The following GALNT10 variants were observed in gnomAD, a reference collection of about 807,000 sequenced individuals.
GALNT10 encodes the protein GalNAc transferase 10.
GALNT10 carries 41 observed loss-of-function variants against 75.0 expected under a neutral mutation model. The observed-to-expected ratio is 0.55, with a 90% CI of 0.43 to 0.71. The LOEUF is 0.71. Among genes scored for constraint, GALNT10 ranks in the 30% least tolerant of loss-of-function variants. The probability of loss-of-function intolerance (pLI) is 0.00; values close to 1 mark genes in which losing one functional copy is unlikely to be tolerated. For synonymous variants in GALNT10, 302 were observed against 313.0 expected, an observed-to-expected ratio of 0.96 and a Z score of 0.37; for missense variants, 727 against 818.5, an observed-to-expected ratio of 0.89 and a Z score of 1.36.
chr5:154,209,109 C>G, intron 1 of GALNT10, among the ~76,000 whole-genome samples: 1 of 152,198 alleles, frequency 6.6e-6, no homozygotes, highest in East Asian at 1.9e-4. Context: ...CTGTTGGTCG[C>G]TGGATGCCGG....
At chr5:154,353,321 TC>T (rs1173719078) in intron 4 of GALNT10, among the ~76,000 whole-genome samples, 2 of 152,180 alleles carry the variant, frequency 1.3e-5, no homozygotes, top group East Asian at 3.9e-4. Flanking sequence ...CTAAATATCA[TC>T]CTACCATACT....
At chr5:154,297,637 G>A (rs954488012) in intron 2 of GALNT10, among the ~76,000 whole-genome samples, 5 of 152,168 alleles carry the variant, frequency 3.3e-5, no homozygotes, top group African/African-American at 9.7e-5. Context: ...GGGAGCATGG[G>A]TTTTGGAATC....
At chr5:154,221,788 T>G (rs1287310325) in intron 1 of GALNT10, among the ~76,000 whole-genome samples, 1 of 152,258 alleles carries the variant, frequency 6.6e-6, no homozygotes, top group South Asian at 2.1e-4. Flanking sequence ...ACTTGAGGCC[T>G]GTCTGCCTAG....
At chr5:154,304,522 G>A (rs1754403458) in intron 3 of GALNT10, among the ~76,000 whole-genome samples, 1 of 151,914 alleles carries the variant, frequency 6.6e-6, no homozygotes, top group Non-Finnish European at 1.5e-5. Flanking sequence ...AATAAGGTAT[G>A]GAAAGAGAAA....
intron 1 of GALNT10, among the ~76,000 whole-genome samples, chr5:154,236,922 C>T (rs1460488376): frequency 2.6e-5 from 4 of 152,200 alleles, no homozygotes; most frequent in Admixed American, 6.5e-5. Flanking sequence ...TCTCAGGCCT[C>T]AGCCTGCCAG....
intron 1 of GALNT10, among the ~76,000 whole-genome samples, chr5:154,206,416 A>G (rs1291136924): frequency 6.6e-6 from 1 of 152,234 alleles, no homozygotes; most frequent in Admixed American, 6.5e-5. Flanking sequence ...TACAAAAAAC[A>G]GCCGCTGCCT....
At chr5:154,219,812 GCT>G (rs60804248) in intron 1 of GALNT10, 2,565 of 140,750 alleles carry the variant, frequency 0.018, 34 homozygotes, top group African/African-American at 0.044. Context: ...ACTCTCTCGC[GCT>G]CTCTCTCTCT....
chr5:154,264,261 T>G (rs374602089), intron 1 of GALNT10, among the ~76,000 whole-genome samples: 1 of 138,770 alleles, frequency 7.2e-6, no homozygotes, highest in Non-Finnish European at 1.5e-5. Context: ...TGCAGTGAGC[T>G]GAGATCATGC....
intron 1 of GALNT10, among the ~76,000 whole-genome samples, chr5:154,270,402 C>T (rs147198770): frequency 1.8e-3 from 279 of 151,606 alleles, no homozygotes; most frequent in African/African-American, 6.4e-3. Flanking sequence ...AGGGCAGGGC[C>T]AGGCTGGAGA....
chr5:154,393,373 C>T (rs1755949083), intron 7 of GALNT10, among the ~76,000 whole-genome samples: 1 of 152,308 alleles, frequency 6.6e-6, no homozygotes, highest in South Asian at 2.1e-4. Context: ...CGCGCCCAGC[C>T]CATCTCACTT....
At chr5:154,330,000 C>T (rs1047107551) in intron 4 of GALNT10, 11 of 293,878 alleles carry the variant, frequency 3.7e-5, no homozygotes, top group Admixed American at 3.0e-4. Context: ...TAAACAATAA[C>T]TCAAACAAGT....
rs996329108 is a variant in GALNT10 at position 154,416,810 on chromosome 5, G to A, written c.1654-4G>A. On this transcript the variant is annotated splice_region_variant and splice_polypyrimidine_tract_variant and intron_variant, in intron 11 of 11. Coordinates refer to ENST00000297107, the MANE Select transcript of GALNT10 (RefSeq NM_198321.4). This position sits in a 1 kb window ranked among gnomAD's most constrained non-coding sequence, Gnocchi z 4.5. ...GTCTGGCTTATTACCTCCATGTTTT[G>A]TAGGACAAGACCCTGTACCACCCTG... The A allele has an allele frequency of 1.6e-5, 25 of 1,611,130 alleles. No homozygotes were observed. The highest frequency in any genetic ancestry group is 2.7e-5 in the African/African-American group (2 of 74,846).
rs58253608 is a variant in GALNT10 at position 154,231,651 on chromosome 5, G to A, written c.159+40626G>A. 7.9e-3 allele frequency among the ~76,000 whole-genome samples: 1,208 copies of A among 152,248 alleles called. 10 individuals carry two copies. Among genetic ancestry groups the A allele is most frequent in the African/African-American group, 0.027 (1,141 of 41,528 alleles). On this transcript the variant is annotated intron_variant, in intron 1 of 11. Coordinates refer to ENST00000297107, the MANE Select transcript of GALNT10 (RefSeq NM_198321.4). ...TATCAAGTCATTTGGGGAATACTACGTTTGAATTAGAGTGAACCCCAGTCT... is the reference window on the plus strand; with the variant it reads ...TATCAAGTCATTTGGGGAATACTACATTTGAATTAGAGTGAACCCCAGTCT...
At chr5:154,275,498 T>C (rs1223804475) in intron 1 of GALNT10, among the ~76,000 whole-genome samples, 1 of 152,232 alleles carries the variant, frequency 6.6e-6, no homozygotes, top group Non-Finnish European at 1.5e-5. Flanking sequence ...CTATTGGTGC[T>C]TAACAAATTG....
chr5:154,310,447 T>G (rs4958373), intron 3 of GALNT10, among the ~76,000 whole-genome samples: 45 of 83,560 alleles, frequency 5.4e-4, no homozygotes, highest in Non-Finnish European at 8.6e-4. Flanking sequence ...TTTTGTTTTT[T>G]TTTTTGTTTG....
chr5:154,344,013 C>T (rs552019495), intron 4 of GALNT10, among the ~76,000 whole-genome samples: 2 of 152,226 alleles, frequency 1.3e-5, no homozygotes, highest in East Asian at 3.9e-4. Context: ...TGTGTTTGTC[C>T]TGCTGTGTCA....
intron 1 of GALNT10, among the ~76,000 whole-genome samples, chr5:154,231,855 G>A (rs966648192): frequency 1.3e-5 from 2 of 152,184 alleles, no homozygotes; most frequent in Admixed American, 6.5e-5. Flanking sequence ...ACTTGTCTTT[G>A]TTGGTAATCC....
chr5:154,271,937 G>A (rs572623461), intron 1 of GALNT10, among the ~76,000 whole-genome samples: 24 of 152,264 alleles, frequency 1.6e-4, no homozygotes, highest in African/African-American at 5.3e-4. Flanking sequence ...GGCCCTTCAC[G>A]TATGAGACAG....
At position 154,331,208 on chromosome 5, in the gene GALNT10, C is replaced by T. The variant is rs567490186; in HGVS notation, c.568+1470C>T. On this transcript the variant is annotated intron_variant, in intron 4 of 11. Transcript: ENST00000297107. ...TTAGGCATACAGTAGGTGCTTACTA[C>T]GTGTTTGATGAACCAGAGCCTGGTT... Among the ~76,000 whole-genome samples the T allele has an allele frequency of 1.4e-4, 21 of 152,242 alleles. No individual in the cohort carries two copies. The South Asian group carries it at 4.2e-3, about 30-fold the overall frequency.
Sources: gnomAD v4.1 joint callset for allele counts (sites outside exome capture counted in the v4.1 genomes callset) on GRCh38, gnomAD v4.1.1 for gene constraint, Gnocchi (gnomAD v3.1) non-coding constraint, MANE v1.5 for transcripts, NCBI Gene and HGNC (gene_info 2026-07-23, HGNC 2026-07-21) for gene names.